Variants in DIAPH3 observed in about 807,000 individuals in gnomAD.
DIAPH3 encodes the protein protein diaphanous homolog 3.
DIAPH3 carries 117 observed loss-of-function variants against 144.3 expected under a neutral mutation model. The ratio of observed to expected loss-of-function variants is 0.81; its 90% CI spans 0.70 to 0.95. The LOEUF is 0.95. DIAPH3 is among the 40% of genes least tolerant of loss of function. The pLI is 0.00. For missense variants in DIAPH3, 1,421 were observed against 1,412.7 expected, an observed-to-expected ratio of 1.01 and a Z score of -0.09; for synonymous variants, 519 against 488.9, an observed-to-expected ratio of 1.06 and a Z score of -0.81.
intron 5 of DIAPH3, among the ~76,000 whole-genome samples, chr13:60,040,225 T>TAA (rs1566697989): frequency 7.8e-5 from 1 of 12,834 alleles, no homozygotes. Flanking sequence ...AGACTCCATC[T>TAA]CAAAAAAAAA....
rs1425052377 is a variant in DIAPH3 at position 59,666,564 on chromosome 13, T to G, written c.*20A>C. ...GGCTTTATATTTGGCTTAATCATTT[T>G]TTTTAAAAACCAGTTTAACTTATAA... is the stretch of plus-strand genomic sequence containing the variant. On this transcript the variant is annotated 3_prime_UTR_variant, in exon 28 of 28. Coordinates refer to ENST00000400324, the MANE Select transcript of DIAPH3 (RefSeq NM_001042517.2). 2.0e-5 allele frequency: 33 copies of G among 1,613,586 alleles called. No homozygotes were observed. The highest frequency in any genetic ancestry group is 2.7e-5 in the Non-Finnish European group (32 of 1,179,876).
chr13:60,148,751 TG>T lies in DIAPH3; in HGVS notation c.180+14835del, dbSNP rs1476367557. ...TTAAGACAAAAATCAGCACTGGGTT[TG>T]GCAGTTGATCTGCCTGGGCAACAGA... On this transcript the variant is annotated intron_variant, in intron 1 of 27. Coordinates refer to ENST00000400324, the MANE Select transcript of DIAPH3 (RefSeq NM_001042517.2). Among the ~76,000 whole-genome samples the T allele has an allele frequency of 3.3e-5, 5 of 152,298 alleles. No homozygotes were observed. In the East Asian group the frequency reaches 5.8e-4, roughly 18 times the overall value.
intron 22 of DIAPH3, among the ~76,000 whole-genome samples, chr13:59,850,435 AGTATGATATTGGCT>A (rs1239962003): frequency 1.3e-5 from 2 of 151,794 alleles, no homozygotes; most frequent in Non-Finnish European, 2.9e-5. Flanking sequence ...TTGCCCATTC[AGTATGATATTGGCT>A]GTGGGTCTGT....
At chr13:59,964,365 C>T (rs907187590) in intron 17 of DIAPH3, among the ~76,000 whole-genome samples, 1 of 151,998 alleles carries the variant, frequency 6.6e-6, no homozygotes, top group African/African-American at 2.4e-5. Flanking sequence ...TGTGTATGTA[C>T]ATACACACAC....
At chr13:60,040,518 T>C (rs1287111020) in intron 5 of DIAPH3, among the ~76,000 whole-genome samples, 3 of 152,184 alleles carry the variant, frequency 2.0e-5, no homozygotes, top group Admixed American at 2.0e-4. Context: ...CATTGTAAGA[T>C]GCATGAATTC....
intron 1 of DIAPH3, 101 bp downstream of exon 1, chr13:60,163,486 T>C (rs1952396773): frequency 8.0e-6 from 12 of 1,505,566 alleles, no homozygotes; most frequent in Non-Finnish European, 1.1e-5. Flanking sequence ...TCTGGATCTC[T>C]AGAATAAAAC....
chr13:60,002,655 G>C lies in DIAPH3; in HGVS notation c.1014+5889C>G, dbSNP rs533944735. On this transcript the variant is annotated intron_variant, in intron 9 of 27. Coordinates refer to ENST00000400324, the MANE Select transcript of DIAPH3 (RefSeq NM_001042517.2). ...TGACCCTCCCATCAGCAACTTCATG[G>C]GTACTGGATCAGGGAGAAACCACAG... is the stretch of plus-strand genomic sequence containing the variant. Among the ~76,000 whole-genome samples, 9 of 152,220 alleles carry C rather than the reference G, an allele frequency of 5.9e-5. No homozygotes were observed. In the South Asian group the frequency reaches 1.7e-3, roughly 28 times the overall value.
chr13:60,082,202 G>A (rs2057581762), intron 4 of DIAPH3, among the ~76,000 whole-genome samples: 1 of 150,708 alleles, frequency 6.6e-6, no homozygotes, highest in African/African-American at 2.4e-5. Context: ...AGGAACACAA[G>A]AATAAACATA....
intron 25 of DIAPH3, among the ~76,000 whole-genome samples, chr13:59,806,361 C>T (rs1313205806): frequency 1.3e-5 from 2 of 151,942 alleles, no homozygotes; most frequent in Non-Finnish European, 2.9e-5. Flanking sequence ...CTGATCCTCA[C>T]AGTGTTTAAA....
At chr13:60,152,976 T>G (rs1308863162) in intron 1 of DIAPH3, among the ~76,000 whole-genome samples, 1 of 152,130 alleles carries the variant, frequency 6.6e-6, no homozygotes, top group Non-Finnish European at 1.5e-5. Flanking sequence ...AAATTCTACT[T>G]AAGTCTTATG....
intron 4 of DIAPH3, among the ~76,000 whole-genome samples, chr13:60,075,098 C>T (rs1007690483): frequency 4.2e-4 from 64 of 152,274 alleles, no homozygotes; most frequent in African/African-American, 1.4e-3. Context: ...TCTATACTCT[C>T]ACCAAACATT....
At chr13:60,022,121 C>A (rs1384517577) in intron 5 of DIAPH3, among the ~76,000 whole-genome samples, 1 of 152,118 alleles carries the variant, frequency 6.6e-6, no homozygotes, top group African/African-American at 2.4e-5. Context: ...CCTTGCTGAA[C>A]TCAGTGATAA....
intron 4 of DIAPH3, among the ~76,000 whole-genome samples, chr13:60,053,596 T>C (rs1480374279): frequency 6.6e-6 from 1 of 152,094 alleles, no homozygotes; most frequent in African/African-American, 2.4e-5. Context: ...CAGGTAATAG[T>C]AACCCTCCCC....
chr13:60,132,827 G>T, intron 2 of DIAPH3, 130 bp downstream of exon 2: 2 of 701,468 alleles, frequency 2.9e-6, no homozygotes. Context: ...TCTTATTTCA[G>T]CACTATAAGA....
At chr13:59,843,116 T>C (rs1313741703) in intron 22 of DIAPH3, among the ~76,000 whole-genome samples, 1 of 152,206 alleles carries the variant, frequency 6.6e-6, no homozygotes, top group Non-Finnish European at 1.5e-5. Context: ...TACCTGTCTT[T>C]AGTCACTACA....
intron 27 of DIAPH3, among the ~76,000 whole-genome samples, chr13:59,701,760 A>G (rs1388752636): frequency 2.6e-5 from 4 of 152,216 alleles, no homozygotes; most frequent in Non-Finnish European, 5.9e-5. Flanking sequence ...ACATACACAC[A>G]TACATAAACA....
chr13:59,945,807 G>GT (rs2048766859), intron 17 of DIAPH3, among the ~76,000 whole-genome samples: 1 of 152,018 alleles, frequency 6.6e-6, no homozygotes, highest in Admixed American at 6.6e-5. Flanking sequence ...TTTCTGTCCT[G>GT]TTTCCTTCAT....
chr13:59,890,955 A>C (rs911872254), intron 20 of DIAPH3, among the ~76,000 whole-genome samples: 1 of 147,706 alleles, frequency 6.8e-6, no homozygotes, highest in East Asian at 1.9e-4. Context: ...CAAGAGCATG[A>C]CATAAAAGTG....
At chr13:59,668,529 G>A (rs972081064) in intron 27 of DIAPH3, among the ~76,000 whole-genome samples, 4 of 152,110 alleles carry the variant, frequency 2.6e-5, no homozygotes, top group Admixed American at 6.5e-5. Context: ...GCGTGTGTGC[G>A]CGTGTCCATG....
Sources: allele counts gnomAD v4.1 joint callset (sites outside exome capture counted in the v4.1 genomes callset), GRCh38; gene constraint gnomAD v4.1.1; transcripts MANE v1.5; gene names NCBI Gene and HGNC (gene_info 2026-07-23, HGNC 2026-07-21).